The following DRC8 variants were observed in gnomAD, a reference collection of about 807,000 sequenced individuals.
The protein encoded by DRC8 is dynein regulatory complex subunit 8, also known as dynein regulatory complex protein 8.
At chr1:245,117,905 T>C in the DRC8 span, among the ~76,000 whole-genome samples, 7 of 151,772 alleles carry the variant, frequency 4.6e-5, no homozygotes, top group Non-Finnish European at 7.4e-5. Context: ...GAGGTGGAGG[T>C]TGCAGTGAGC....
the DRC8 span, chr1:245,082,211 G>A: frequency 6.7e-7 from 1 of 1,499,018 alleles, no homozygotes; most frequent in African/African-American, 1.4e-5. Flanking sequence ...TCAGAATTAT[G>A]AATCCATTCA....
chr1:245,071,282 G>A, the DRC8 span, among the ~76,000 whole-genome samples: 1 of 152,198 alleles, frequency 6.6e-6, no homozygotes, highest in Admixed American at 6.5e-5. Context: ...AGCACTAATG[G>A]TGATTCTGAT....
At chr1:245,041,895 C>T in the DRC8 span, among the ~76,000 whole-genome samples, 36 of 152,284 alleles carry the variant, frequency 2.4e-4, no homozygotes, top group African/African-American at 7.9e-4. Flanking sequence ...AAGCAGCCGA[C>T]CTGCTGACAC....
the DRC8 span, chr1:245,083,675 T>C: frequency 1.2e-6 from 2 of 1,609,824 alleles, no homozygotes; most frequent in African/African-American, 1.3e-5. Flanking sequence ...TGATCAAGTA[T>C]ATGACTGAAG....
chr1:245,073,353 C>T, the DRC8 span, among the ~76,000 whole-genome samples: 2 of 152,188 alleles, frequency 1.3e-5, no homozygotes, highest in African/African-American at 4.8e-5. Context: ...CCAGGCTGGT[C>T]TCAAACTCCT....
At chr1:244,990,048 C>T in the DRC8 span, among the ~76,000 whole-genome samples, 3 of 152,232 alleles carry the variant, frequency 2.0e-5, no homozygotes, top group Non-Finnish European at 2.9e-5. Context: ...CTGCTTCTGA[C>T]ATTTAACCAT....
chr1:245,105,496 G>A, the DRC8 span, among the ~76,000 whole-genome samples: 1 of 151,592 alleles, frequency 6.6e-6, no homozygotes, highest in Non-Finnish European at 1.5e-5. Flanking sequence ...GTGTGTGCCT[G>A]TAGTCCCAGC....
chr1:245,118,258 C>G, the DRC8 span, among the ~76,000 whole-genome samples: 57 of 152,298 alleles, frequency 3.7e-4, no homozygotes, highest in Middle Eastern at 6.8e-3. Context: ...GCAGCCTAGT[C>G]TCTTCCATTA....
the DRC8 span, among the ~76,000 whole-genome samples, chr1:245,022,816 A>G: frequency 6.6e-6 from 1 of 152,174 alleles, no homozygotes; most frequent in Non-Finnish European, 1.5e-5. Flanking sequence ...TGGCATTAAC[A>G]TTACTCTACA....
chr1:245,000,780 C>CA, the DRC8 span, among the ~76,000 whole-genome samples: 76 of 145,108 alleles, frequency 5.2e-4, no homozygotes, highest in Middle Eastern at 7.2e-3. Context: ...GACTCCATCT[C>CA]AAAAAAAAAA....
chr1:245,015,859 C>A, the DRC8 span: 1 of 160,908 alleles, frequency 6.2e-6, no homozygotes, highest in South Asian at 1.6e-4. Context: ...TTCATAATAG[C>A]CAAAGTGATC....
At chr1:244,973,373 TG>T in the DRC8 span, among the ~76,000 whole-genome samples, 1 of 152,204 alleles carries the variant, frequency 6.6e-6, no homozygotes, top group African/African-American at 2.4e-5. Context: ...CCAAAAGATC[TG>T]GGACCATTTC....
At chr1:245,073,895 A>G in the DRC8 span, among the ~76,000 whole-genome samples, 1 of 152,210 alleles carries the variant, frequency 6.6e-6, no homozygotes, top group Non-Finnish European at 1.5e-5. Flanking sequence ...AACATGTATT[A>G]TCTCTGTAAC....
chr1:244,971,626 T>C, the DRC8 span, among the ~76,000 whole-genome samples: 1 of 152,198 alleles, frequency 6.6e-6, no homozygotes, highest in South Asian at 2.1e-4. Context: ...TTGTTTTCTT[T>C]CTGGAGTGCT....
chr1:245,074,083 G>C, the DRC8 span, among the ~76,000 whole-genome samples: 1 of 152,108 alleles, frequency 6.6e-6, no homozygotes, highest in African/African-American at 2.4e-5. Context: ...ACATAGCTGT[G>C]GACGTAGTAA....
the DRC8 span, among the ~76,000 whole-genome samples, chr1:244,996,262 C>T: frequency 4.6e-5 from 7 of 151,906 alleles, no homozygotes; most frequent in South Asian, 1.5e-3. Flanking sequence ...AGCTGGTTTC[C>T]CGCAGGACTC....
At chr1:245,056,903 C>T in the DRC8 span, among the ~76,000 whole-genome samples, 4 of 127,904 alleles carry the variant, frequency 3.1e-5, no homozygotes, top group Non-Finnish European at 6.3e-5. Context: ...TGCCACTGCA[C>T]TCCAGCCTGG....
At chr1:245,029,146 A>T in the DRC8 span, among the ~76,000 whole-genome samples, 1 of 152,268 alleles carries the variant, frequency 6.6e-6, no homozygotes, top group Non-Finnish European at 1.5e-5. Flanking sequence ...CAGGCTTTAC[A>T]GATGGGAGTT....
chr1:244,986,081 G>A, the DRC8 span, among the ~76,000 whole-genome samples: 1 of 151,130 alleles, frequency 6.6e-6, no homozygotes, highest in Admixed American at 6.6e-5. Context: ...TCAGCCTCCC[G>A]AGTAGCTGGG....
Sources: allele counts gnomAD v4.1 joint callset (sites outside exome capture counted in the v4.1 genomes callset), GRCh38; gene constraint gnomAD v4.1.1; transcripts MANE v1.5; gene names NCBI Gene and HGNC (gene_info 2026-07-23, HGNC 2026-07-21).